ZNF423: variants seen among roughly 807,000 people sequenced by gnomAD.
The protein encoded by ZNF423 is zinc finger protein 423.
Under a neutral mutation model 95.8 loss-of-function variants are expected in ZNF423, and 12 were observed. The ratio of observed to expected loss-of-function variants is 0.13; its 90% CI spans 0.08 to 0.20. ZNF423 has a LOEUF of 0.20. Among genes scored for constraint, ZNF423 ranks in the 10% least tolerant of loss-of-function variants. The pLI, the probability that ZNF423 is intolerant of heterozygous loss-of-function variation, is 1.00. For synonymous variants in ZNF423, 749 were observed against 711.9 expected (o/e 1.05, Z -0.83); for missense variants, 1,316 against 1,737.1 (o/e 0.76, Z 4.31).
intron 1 of ZNF423, among the ~76,000 whole-genome samples, chr16:49,791,728 A>AC (rs1158958369): frequency 6.6e-6 from 1 of 152,216 alleles, no homozygotes; most frequent in Non-Finnish European, 1.5e-5. Context: ...AGGGCCGAAC[A>AC]CAGTGGTTTA....
chr16:49,585,176 C>T lies in ZNF423; in HGVS notation c.3601+40994G>A, dbSNP rs539787006. ...CTTCATCCAATCTCTTCCCCCAAGACCCCCTCAGGGTAGCAAGACCTGATG... is the reference window on the plus strand; with the variant it reads ...CTTCATCCAATCTCTTCCCCCAAGATCCCCTCAGGGTAGCAAGACCTGATG... On this transcript the variant is annotated intron_variant, in intron 5 of 7. Coordinates refer to ENST00000563137, the MANE Select transcript of ZNF423 (RefSeq NM_001379286.1). Among the ~76,000 whole-genome samples the T allele has an allele frequency of 2.0e-3, 300 of 152,330 alleles. 13 individuals carry two copies. The South Asian group carries it at 0.059, about 30-fold the overall frequency.
rs939781843 is a variant in ZNF423 at position 49,665,418 on chromosome 16, G to A, written c.302-26544C>T. Among the ~76,000 whole-genome samples, 10 of 152,324 alleles carry A rather than the reference G, an allele frequency of 6.6e-5. No homozygotes were observed. In the South Asian group the frequency reaches 1.9e-3, roughly 28 times the overall value. On this transcript the variant is annotated intron_variant, in intron 3 of 7. Transcript: ENST00000563137. ...ATCCCCTGTGTTTGCTAGGAGAAGTGTGTGGGGCCTGGGGGGAGAACAGGG... is the reference window on the plus strand; with the variant it reads ...ATCCCCTGTGTTTGCTAGGAGAAGTATGTGGGGCCTGGGGGGAGAACAGGG...
chr16:49,830,907 C>G (rs1034837771), intron 1 of ZNF423, among the ~76,000 whole-genome samples: 1 of 152,088 alleles, frequency 6.6e-6, no homozygotes, highest in East Asian at 1.9e-4. Context: ...TCTTGCAGCT[C>G]GAAGCATCCC....
At position 49,831,729 on chromosome 16, in the gene ZNF423, G is replaced by A. The variant is rs571274472; in HGVS notation, c.40+24006C>T. ...ATAAAGTCTGAGCACGGTGGCTCAC[G>A]CCTGTAATCCCAGCACTTTGGTAGG... On this transcript the variant is annotated intron_variant, in intron 1 of 7. Coordinates refer to ENST00000563137, the MANE Select transcript of ZNF423 (RefSeq NM_001379286.1). 5.4e-4 allele frequency among the ~76,000 whole-genome samples: 82 copies of A among 152,224 alleles called. 1 individual carries two copies. The highest frequency in any genetic ancestry group is 1.0e-4 in the Non-Finnish European group (7 of 68,014).
Position 49,806,676 on chromosome 16 carries a change from CATCT to C in ZNF423, c.41-17134_41-17131del, listed in dbSNP as rs571941397. Among the ~76,000 whole-genome samples, 275 of 152,094 alleles carry C rather than the reference CATCT, an allele frequency of 1.8e-3. 2 individuals are homozygous for C. Among genetic ancestry groups the C allele is most frequent in the Non-Finnish European group, 7.6e-4 (52 of 68,018 alleles). On this transcript the variant is annotated intron_variant, in intron 1 of 7. Coordinates refer to ENST00000563137, the MANE Select transcript of ZNF423 (RefSeq NM_001379286.1). ...GTTCTGAACACACAGATCACCCATC[CATCT>C]CTCTTTTTACACATTGCTCTTCTTC...
intron 5 of ZNF423, among the ~76,000 whole-genome samples, chr16:49,526,263 C>T (rs942323637): frequency 1.3e-5 from 2 of 152,174 alleles, no homozygotes; most frequent in South Asian, 4.1e-4. Flanking sequence ...CTGCACCAAA[C>T]GCTCTTTTTA....
intron 5 of ZNF423, among the ~76,000 whole-genome samples, chr16:49,532,076 T>C (rs1417637703): frequency 6.6e-6 from 1 of 152,214 alleles, no homozygotes; most frequent in East Asian, 1.9e-4. Flanking sequence ...CAATATTCTA[T>C]GTGGAAGGAT....
chr16:49,500,744 GAA>G (rs34335955), intron 7 of ZNF423, among the ~76,000 whole-genome samples: 9 of 142,938 alleles, frequency 6.3e-5, no homozygotes, highest in Admixed American at 1.4e-4. Flanking sequence ...CCATCTCTAC[GAA>G]AAAAAAAAAA....
intron 5 of ZNF423, among the ~76,000 whole-genome samples, chr16:49,570,135 C>T (rs968928810): frequency 1.3e-5 from 2 of 152,206 alleles, no homozygotes; most frequent in Non-Finnish European, 1.5e-5. Flanking sequence ...CTGGCACACT[C>T]GTGAGATGCA....
intron 5 of ZNF423, among the ~76,000 whole-genome samples, chr16:49,583,979 G>T (rs899049714): frequency 4.6e-5 from 7 of 152,250 alleles, no homozygotes; most frequent in African/African-American, 1.7e-4. Flanking sequence ...CTTGTTCACT[G>T]AGCAGATACC....
chr16:49,778,369 ACACAC>A (rs2034155106), intron 2 of ZNF423, among the ~76,000 whole-genome samples: 2 of 152,238 alleles, frequency 1.3e-5, no homozygotes, highest in Admixed American at 1.3e-4. Flanking sequence ...CAGGAAGCCA[ACACAC>A]GCCAGGTGGT....
chr16:49,854,516 GT>G, intron 1 of ZNF423: 1 of 985,488 alleles, frequency 1.0e-6, no homozygotes, highest in Non-Finnish European at 1.2e-6. Flanking sequence ...CAGGCCAGAG[GT>G]CATCAGGGGA....
intron 5 of ZNF423, among the ~76,000 whole-genome samples, chr16:49,528,790 C>A (rs901025793): frequency 7.2e-6 from 1 of 139,220 alleles, no homozygotes; most frequent in Non-Finnish European, 1.6e-5. Flanking sequence ...GTGGAGAGGG[C>A]GGGGAGGGGC....
intron 5 of ZNF423, among the ~76,000 whole-genome samples, chr16:49,585,952 C>T (rs11643079): frequency 0.16 from 24,472 of 152,074 alleles, 2,011 homozygotes; most frequent in African/African-American, 0.19. Context: ...AGCAGGCCAC[C>T]GTGACGTCTG....
At chr16:49,703,095 T>G (rs748854426) in intron 3 of ZNF423, among the ~76,000 whole-genome samples, 5 of 152,328 alleles carry the variant, frequency 3.3e-5, no homozygotes, top group Non-Finnish European at 7.3e-5. Context: ...CGCATTCCAA[T>G]GCTGGGCCCT....
chr16:49,661,386 C>T (rs1311238214), intron 3 of ZNF423, among the ~76,000 whole-genome samples: 1 of 152,164 alleles, frequency 6.6e-6, no homozygotes, highest in African/African-American at 2.4e-5. Context: ...GTGTCTTCCC[C>T]ACCAGGGGGG....
chr16:49,807,425 G>A (rs984921658), intron 1 of ZNF423, among the ~76,000 whole-genome samples: 3 of 150,810 alleles, frequency 2.0e-5, no homozygotes, highest in Admixed American at 6.6e-5. Context: ...GCAATATTCC[G>A]TCTCAAAAAA....
At chr16:49,775,785 T>C (rs2034110562) in intron 2 of ZNF423, among the ~76,000 whole-genome samples, 1 of 152,068 alleles carries the variant, frequency 6.6e-6, no homozygotes, top group Non-Finnish European at 1.5e-5. Context: ...CGCCTGACAA[T>C]ACTATGATGA....
chr16:49,756,558 C>T (rs1405784681), intron 2 of ZNF423, among the ~76,000 whole-genome samples: 1 of 152,174 alleles, frequency 6.6e-6, no homozygotes, highest in Admixed American at 6.5e-5. Flanking sequence ...TCCATGGCAC[C>T]TTTCAGGGGC....
Sources: allele counts gnomAD v4.1 joint callset (sites outside exome capture counted in the v4.1 genomes callset), GRCh38; gene constraint gnomAD v4.1.1; transcripts MANE v1.5; gene names NCBI Gene and HGNC (gene_info 2026-07-23, HGNC 2026-07-21).